Variants in ROBO4 observed in about 807,000 individuals in gnomAD.
ROBO4 encodes the protein roundabout homolog 4.
A neutral mutation model predicts 103.3 loss-of-function variants in ROBO4; 80 were observed. The observed-to-expected ratio is 0.77, with a 90% CI of 0.65 to 0.93. ROBO4 has a LOEUF of 0.93. Ranked by LOEUF, ROBO4 falls within the 40% of genes least tolerant of loss-of-function variation. The pLI is 0.00. For synonymous variants in ROBO4, 504 were observed against 529.7 expected, an observed-to-expected ratio of 0.95 and a Z score of 0.67; for missense variants, 1,333 against 1,305.3, an observed-to-expected ratio of 1.02 and a Z score of -0.33.
Position 124,895,490 on chromosome 11 carries a change from T to C in ROBO4, c.1003A>G (p.Ser335Gly), listed in dbSNP as rs983068781. Residue 335 changes from serine to glycine, a missense_variant, in exon 6 of 18, where the codon AGC becomes GGC. Physicochemically the swap from Ser to Gly is moderately conservative, Grantham distance 56 (BLOSUM62 0). Coordinates refer to ENST00000306534, the MANE Select transcript of ROBO4 (RefSeq NM_019055.6). ...GGCAGCCTCAGGAGCAGCACGTTGC[T>C]GTCAGGGCCTCGAGCCCGGCCAGAG... ...PSSGRARGPD[S>G]NVLLLRLPEK... The C allele has an allele frequency of 6.2e-7, 1 of 1,610,846 alleles. No individual in the cohort carries two copies. The highest frequency in any genetic ancestry group is 8.5e-7 in the Non-Finnish European group (1 of 1,180,012).
rs764775703 is a variant in ROBO4, at chr11:124,891,400, C to A, written c.1847G>T (p.Ser616Ile). ...GAGGCTGTCTGAGCTGGAACAGGGG[C>A]TGGAGAGCTGGGCCAGCTGGGGTGG... ...RLPPQLAQLSSPCSSSDSLCS... is the reference protein window; with the variant it reads ...RLPPQLAQLSIPCSSSDSLCS... The change falls in exon 12 of 18, where the codon AGC (serine) becomes ATC (isoleucine). Residue 616 changes from serine (S) to isoleucine (I), a missense_variant. Transcript: ENST00000306534. 1.9e-6 allele frequency: 3 copies of A among 1,578,900 alleles called. No individual in the cohort carries two copies. Among genetic ancestry groups the A allele is most frequent in the Non-Finnish European group, 1.7e-6 (2 of 1,161,770 alleles).
chr11:124,888,540 C>A (rs556583717), intron 12 of ROBO4, among the ~76,000 whole-genome samples: 1 of 152,316 alleles, frequency 6.6e-6, no homozygotes, highest in Non-Finnish European at 1.5e-5. Flanking sequence ...TGGTCTATCC[C>A]AGGGACGCAA....
intron 4 of ROBO4, 117 bp from the exon 5 acceptor site, chr11:124,896,029 G>A: frequency 6.5e-7 from 1 of 1,536,796 alleles, no homozygotes; most frequent in African/African-American, 1.4e-5. Context: ...GAGTCTCCAG[G>A]TCTTGAGCAT....
chr11:124,895,319 G>T, intron 6 of ROBO4, 126 bp from the exon 7 acceptor site: 1 of 1,147,288 alleles, frequency 8.7e-7, no homozygotes, highest in Non-Finnish European at 1.3e-6. Flanking sequence ...AGCTCTGCTG[G>T]CCTGGCCAGG....
chr11:124,887,912 C>T, intron 12 of ROBO4, 72 bp from the exon 13 acceptor site: 1 of 1,278,824 alleles, frequency 7.8e-7, no homozygotes, highest in Non-Finnish European at 1.1e-6. Context: ...GCTCTATCTT[C>T]AGCCTTATTC....
At chr11:124,896,135 G>C in intron 4 of ROBO4, 63 bp downstream of exon 4, 1 of 1,595,412 alleles carries the variant, frequency 6.3e-7, no homozygotes. Context: ...GCCCAAACCA[G>C]AATACACCAC....
intron 1 of ROBO4, 196 bp from the exon 2 acceptor site, chr11:124,897,457 G>T: frequency 3.4e-6 from 2 of 582,670 alleles, no homozygotes; most frequent in East Asian, 2.8e-5. Flanking sequence ...GCCAGGGCTT[G>T]CATAGCATGT....
chr11:124,887,849 A>G lies in ROBO4; in HGVS notation c.1949-9T>C. 1 of 1,610,516 alleles carries G rather than the reference A, an allele frequency of 6.2e-7. No homozygotes were observed. The highest frequency in any genetic ancestry group is 8.5e-7 in the Non-Finnish European group (1 of 1,178,732). ...GTTGGCATGCTGCAGCTCTGCAAAG[A>G]AAGGGTTGGTGGTTGTGGGGCCCAG... is the stretch of plus-strand genomic sequence containing the variant. On this transcript the variant is annotated splice_polypyrimidine_tract_variant and intron_variant, in intron 12 of 17. Transcript: ENST00000306534.
intron 13 of ROBO4, 69 bp downstream of exon 13, chr11:124,887,664 G>A (rs12418548): frequency 0.16 from 243,851 of 1,550,486 alleles, 23,388 homozygotes; most frequent in African/African-American, 0.45. Flanking sequence ...AGGGCCCTGG[G>A]CTGGTAAGCC....
chr11:124,887,451 A>C lies in ROBO4; in HGVS notation c.2105T>G (p.Leu702Arg), dbSNP rs752832356. 1.4e-5 allele frequency: 22 copies of C among 1,613,870 alleles called. No individual in the cohort carries two copies. The highest frequency in any genetic ancestry group is 1.6e-5 in the Non-Finnish European group (19 of 1,179,962). Residue 702 changes from leucine to arginine, a missense_variant, in exon 14 of 18, where the codon CTC becomes CGC. Physicochemically the swap from Leu to Arg is moderately radical, Grantham distance 102. Coordinates refer to ENST00000306534, the MANE Select transcript of ROBO4 (RefSeq NM_019055.6). ...AACCAGCTCATTTGAGGAGCTGAGG[A>C]GTTTCGGTCCCAGGGCCCGCCAGGC... The part of the protein sequence containing the change: ...LVAWRALGPK[L>R]LSSSNELVTR...
chr11:124,895,500 T>C lies in ROBO4; in HGVS notation c.993A>G (p.Arg331=). The C allele has an allele frequency of 6.2e-7, 1 of 1,611,200 alleles. No homozygotes were observed. ...GGAGCAGCACGTTGCTGTCAGGGCC[T>C]CGAGCCCGGCCAGAGGATGGTCTCA... The part of the protein sequence containing the change: ...FKVRPSSGRA[R]GPDSNVLLLR... The change falls in exon 6 of 18, where the codon CGA becomes CGG. Residue 331 remains arginine (R), a synonymous_variant. Coordinates refer to ENST00000306534, the MANE Select transcript of ROBO4 (RefSeq NM_019055.6).
chr11:124,893,852 A>T lies in ROBO4; in HGVS notation c.1504+8T>A. 6.2e-7 allele frequency: 1 copy of T among 1,612,706 alleles called. No homozygotes were observed. The highest frequency in any genetic ancestry group is 8.5e-7 in the Non-Finnish European group (1 of 1,179,560). On this transcript the variant is annotated splice_region_variant and intron_variant, in intron 9 of 17. Coordinates refer to ENST00000306534, the MANE Select transcript of ROBO4 (RefSeq NM_019055.6). Reference sequence around the variant, plus strand: ...CTGTATACATGTGGGTCCCCCTCAGACTCTCACCTGGGCCCAGGTGCACCC... The same window carrying T: ...CTGTATACATGTGGGTCCCCCTCAGTCTCTCACCTGGGCCCAGGTGCACCC...
intron 7 of ROBO4, 105 bp from the exon 8 acceptor site, chr11:124,894,474 T>A: frequency 8.4e-7 from 1 of 1,191,274 alleles, no homozygotes; most frequent in East Asian, 2.6e-5. Context: ...TGCCCTGCCA[T>A]CCACTTGGGG....
intron 10 of ROBO4, among the ~76,000 whole-genome samples, chr11:124,893,267 C>T (rs923440537): frequency 6.6e-6 from 1 of 152,146 alleles, no homozygotes; most frequent in Non-Finnish European, 1.5e-5. Context: ...CACTGAACAC[C>T]CTCTGCTGGA....
At chr11:124,891,839 A>T in intron 10 of ROBO4, 37 bp from the exon 11 acceptor site, 2 of 1,611,658 alleles carry the variant, frequency 1.2e-6, no homozygotes, top group Non-Finnish European at 1.7e-6. Flanking sequence ...GCCAGGAGAA[A>T]CAGGGAGAAG....
Position 124,887,193 on chromosome 11 carries a change from G to A in ROBO4, c.2219C>T (p.Ala740Val), listed in dbSNP as rs1237368024. ...QQTQPPVAPQ[A>V]PSSILLPAAP... ...TGCTGGCAGCAGGATGGAGGAGGGA[G>A]CCTGTGGTGCCACCGGAGGCCTGAT... is the stretch of plus-strand genomic sequence containing the variant. Residue 740 changes from alanine (A) to valine (V), a missense_variant, in exon 15 of 18, where the codon GCT (alanine) becomes GTT (valine). Transcript: ENST00000306534. 1 of 1,596,310 alleles carries A rather than the reference G, an allele frequency of 6.3e-7. No individual in the cohort carries two copies. The highest frequency in any genetic ancestry group is 2.2e-5 in the East Asian group (1 of 44,654).
At chr11:124,895,218 G>A in intron 6 of ROBO4, 25 bp from the exon 7 acceptor site, 1 of 1,534,756 alleles carries the variant, frequency 6.5e-7, no homozygotes, top group Non-Finnish European at 9.0e-7. Context: ...GAGAGACTAT[G>A]AGGGGCTCTG....
chr11:124,885,599 G>A (rs906534938), intron 16 of ROBO4, among the ~76,000 whole-genome samples: 17 of 144,842 alleles, frequency 1.2e-4, no homozygotes, highest in African/African-American at 4.3e-4. Context: ...TTTTTTGTCG[G>A]GGCAAAGGAT....
chr11:124,896,468 T>G (rs1368142892), intron 3 of ROBO4, 45 bp downstream of exon 3: 1 of 1,604,224 alleles, frequency 6.2e-7, no homozygotes, highest in African/African-American at 1.3e-5. Context: ...TGTACCCAGG[T>G]CTGCCCAGGC....
Sources: gnomAD v4.1 joint callset for allele counts (sites outside exome capture counted in the v4.1 genomes callset) on GRCh38, gnomAD v4.1.1 for gene constraint, MANE v1.5 for transcripts, NCBI Gene and HGNC (gene_info 2026-07-23, HGNC 2026-07-21) for gene names.